Variants in TAS1R2 observed in about 807,000 individuals in gnomAD.
The protein encoded by TAS1R2 is taste receptor type 1 member 2.
Under a neutral mutation model 49.3 loss-of-function variants are expected in TAS1R2, and 47 were observed. The ratio of observed to expected loss-of-function variants is 0.95; its 90% CI spans 0.75 to 1.22. TAS1R2 has a LOEUF of 1.22. Ranked by LOEUF, TAS1R2 falls within the 50% of genes most tolerant of loss-of-function variation. TAS1R2 has a pLI of 0.00. For missense variants in TAS1R2, 1,155 were observed against 1,122.1 expected, an observed-to-expected ratio of 1.03 and a Z score of -0.42; for synonymous variants, 479 against 467.9, an observed-to-expected ratio of 1.02 and a Z score of -0.31.
At chr1:18,850,797 C>T (rs1253522302) in intron 3 of TAS1R2, among the ~76,000 whole-genome samples, 2 of 152,238 alleles carry the variant, frequency 1.3e-5, no homozygotes, top group African/African-American at 2.4e-5. Flanking sequence ...CCCGTTTCCC[C>T]TTCCCCATCT....
At chr1:18,853,256 T>C (rs1040383613) in intron 3 of TAS1R2, among the ~76,000 whole-genome samples, 1 of 152,196 alleles carries the variant, frequency 6.6e-6, no homozygotes, top group Non-Finnish European at 1.5e-5. Context: ...CAGTGCCTAG[T>C]AGGCACTCAA....
At chr1:18,852,371 C>T (rs926696103) in intron 3 of TAS1R2, among the ~76,000 whole-genome samples, 2 of 152,192 alleles carry the variant, frequency 1.3e-5, no homozygotes, top group Non-Finnish European at 2.9e-5. Context: ...AAGCCATGTG[C>T]CTGCCACAGG....
chr1:18,839,982 G>A (rs573167459), exon 6 of TAS1R2: 15 of 1,614,208 alleles, frequency 9.3e-6, no homozygotes, highest in South Asian at 7.7e-5. Context: ...GTGATCTTGG[G>A]GTCATCGGGG....
intron 1 of TAS1R2, among the ~76,000 whole-genome samples, chr1:18,858,918 TA>T (rs1934189712): frequency 6.6e-6 from 1 of 152,208 alleles, no homozygotes. Flanking sequence ...CACTCTTTTT[TA>T]GTCCCAGGCT....
At chr1:18,856,544 G>A (rs146999623) in intron 2 of TAS1R2, among the ~76,000 whole-genome samples, 29 of 152,244 alleles carry the variant, frequency 1.9e-4, no homozygotes, top group Non-Finnish European at 3.1e-4. Flanking sequence ...CTCCATGAGG[G>A]CGATGATTTC....
chr1:18,853,459 G>A (rs1259423842), intron 3 of TAS1R2, among the ~76,000 whole-genome samples: 1 of 152,198 alleles, frequency 6.6e-6, no homozygotes, highest in Non-Finnish European at 1.5e-5. Flanking sequence ...TATATAGAAT[G>A]AGAGAGAGAA....
exon 6 of TAS1R2, chr1:18,840,409 G>A: frequency 6.2e-7 from 1 of 1,614,168 alleles, no homozygotes; most frequent in Non-Finnish European, 8.5e-7. Context: ...CGGCCAGCAG[G>A]GCCACAGCGA....
At chr1:18,857,258 GCTT>G in intron 2 of TAS1R2, 70 bp downstream of exon 2, 1 of 1,484,988 alleles carries the variant, frequency 6.7e-7, no homozygotes, top group Non-Finnish European at 9.1e-7. Context: ...GGAGGAAGTG[GCTT>G]CTGAGGCCTC....
intron 2 of TAS1R2, among the ~76,000 whole-genome samples, chr1:18,855,426 C>T (rs1226836078): frequency 1.3e-5 from 2 of 152,168 alleles, no homozygotes; most frequent in Non-Finnish European, 2.9e-5. Context: ...CACATTTCTT[C>T]CCTCCACCTC....
intron 4 of TAS1R2, among the ~76,000 whole-genome samples, chr1:18,843,890 A>G (rs1216857458): frequency 6.6e-6 from 1 of 152,256 alleles, no homozygotes; most frequent in East Asian, 1.9e-4. Flanking sequence ...AATGGTATCC[A>G]AGAAGCGCCA....
At chr1:18,841,173 A>C (rs1024478567) in intron 5 of TAS1R2, among the ~76,000 whole-genome samples, 3 of 152,236 alleles carry the variant, frequency 2.0e-5, no homozygotes, top group Non-Finnish European at 1.5e-5. Context: ...GCTAAACACT[A>C]ATGTGGACAG....
chr1:18,854,346 G>A lies in TAS1R2; in HGVS notation c.1124C>T (p.Thr375Ile). ...ACGCTCCCCAGAGAGCCTGAGAATG[G>A]TGTTGAAGGACAAGGTGGCGTTCAG... The change falls in exon 3 of 6, where the codon ACC becomes ATC. Residue 375 changes from threonine to isoleucine, a missense_variant. Physicochemically the swap from Thr to Ile is moderately conservative, Grantham distance 89. Coordinates refer to ENST00000375371, the Ensembl canonical transcript of TAS1R2. This position sits in a 1 kb window ranked among gnomAD's most constrained non-coding sequence, Gnocchi z 4.9. 6.2e-7 allele frequency: 1 copy of A among 1,613,964 alleles called. No individual in the cohort carries two copies. Among genetic ancestry groups the A allele is most frequent in the South Asian group, 1.1e-5 (1 of 91,030 alleles).
At chr1:18,852,509 G>C (rs935750628) in intron 3 of TAS1R2, among the ~76,000 whole-genome samples, 2 of 152,166 alleles carry the variant, frequency 1.3e-5, no homozygotes, top group Admixed American at 1.3e-4. Flanking sequence ...ACATAGGGTG[G>C]GCTGGGCTCC....
At chr1:18,858,390 A>G (rs549696669) in intron 1 of TAS1R2, 1 of 152,610 alleles carries the variant, frequency 6.6e-6, no homozygotes. Context: ...CATCACCACC[A>G]TCAGCACCAT....
chr1:18,840,983 G>A (rs1024027558), intron 5 of TAS1R2, among the ~76,000 whole-genome samples: 10 of 152,182 alleles, frequency 6.6e-5, no homozygotes, highest in Middle Eastern at 3.2e-3. Flanking sequence ...CCCTCACCTC[G>A]CCGCTATTGA....
At chr1:18,849,369 T>C (rs1456939310) in exon 4 of TAS1R2, 1 of 1,613,982 alleles carries the variant, frequency 6.2e-7, no homozygotes, top group Admixed American at 1.7e-5. Context: ...CCAGGAGATG[T>C]CTTGGATGTT....
At chr1:18,843,330 G>A (rs951751430) in intron 4 of TAS1R2, among the ~76,000 whole-genome samples, 1 of 152,172 alleles carries the variant, frequency 6.6e-6, no homozygotes, top group African/African-American at 2.4e-5. Context: ...TCAAAACTTG[G>A]GGTTGGGGGT....
chr1:18,849,629 C>A, intron 3 of TAS1R2, 79 bp from the exon 4 acceptor site: 1 of 1,497,328 alleles, frequency 6.7e-7, no homozygotes. Flanking sequence ...GGGAAAGATT[C>A]TACCATTCCA....
intron 4 of TAS1R2, 86 bp downstream of exon 4, chr1:18,849,255 T>A: frequency 3.6e-6 from 5 of 1,388,848 alleles, no homozygotes; most frequent in Non-Finnish European, 5.0e-6. Flanking sequence ...CCAGGCTCTG[T>A]CCCTAATGAA....
Sources: allele counts gnomAD v4.1 joint callset (sites outside exome capture counted in the v4.1 genomes callset), GRCh38; gene constraint gnomAD v4.1.1; non-coding constraint Gnocchi (gnomAD v3.1); transcripts MANE v1.5; gene names NCBI Gene and HGNC (gene_info 2026-07-23, HGNC 2026-07-21).